COL21A1: variants seen among roughly 807,000 people sequenced by gnomAD.
COL21A1 encodes collagen alpha-1(XXI) chain.
A neutral mutation model predicts 137.9 loss-of-function variants in COL21A1; 149 were observed. That is an observed-to-expected ratio of 1.08 (90% CI 0.95 to 1.24). The LOEUF is 1.24. Ranked by LOEUF, COL21A1 falls within the 50% of genes most tolerant of loss-of-function variation. The pLI, the probability that COL21A1 is intolerant of heterozygous loss-of-function variation, is 0.00. For missense variants in COL21A1, 1,167 were observed against 1,158.4 expected, an observed-to-expected ratio of 1.01 and a Z score of -0.11; for synonymous variants, 456 against 391.5, an observed-to-expected ratio of 1.16 and a Z score of -1.95.
intron 1 of COL21A1, among the ~76,000 whole-genome samples, chr6:56,357,279 T>G (rs745392470): frequency 1.3e-5 from 2 of 152,196 alleles, no homozygotes; most frequent in Non-Finnish European, 2.9e-5. Flanking sequence ...ATTCAAAAAA[T>G]TATGTCTCCC....
chr6:56,096,768 T>C (rs924836621), intron 17 of COL21A1, among the ~76,000 whole-genome samples: 3 of 152,182 alleles, frequency 2.0e-5, no homozygotes, highest in Non-Finnish European at 2.9e-5. Context: ...TGTCCTTCCA[T>C]GTGAAACTCC....
intron 10 of COL21A1, among the ~76,000 whole-genome samples, chr6:56,147,758 T>C (rs944318402): frequency 7.2e-5 from 11 of 152,136 alleles, no homozygotes; most frequent in African/African-American, 2.4e-4. Flanking sequence ...ATAATCTACA[T>C]ACGACTTTCA....
intron 1 of COL21A1, among the ~76,000 whole-genome samples, chr6:56,392,949 T>A: frequency 6.6e-6 from 1 of 151,380 alleles, no homozygotes; most frequent in East Asian, 1.9e-4. Flanking sequence ...TTCAATGCAA[T>A]CTCTGTCAAA....
chr6:56,130,208 TATAA>T (rs1367672583), intron 12 of COL21A1, among the ~76,000 whole-genome samples: 13 of 30,374 alleles, frequency 4.3e-4, no homozygotes, highest in African/African-American at 1.2e-3. Flanking sequence ...TATATATATA[TATAA>T]AATTTCAAAT....
chr6:56,177,967 C>T (rs946295487), intron 3 of COL21A1, among the ~76,000 whole-genome samples: 11 of 151,932 alleles, frequency 7.2e-5, no homozygotes, highest in Admixed American at 5.2e-4. Context: ...GGCAAGATTT[C>T]AATTTTGATT....
At chr6:56,061,502 C>A in intron 25 of COL21A1, 147 bp downstream of exon 25, 1 of 517,748 alleles carries the variant, frequency 1.9e-6, no homozygotes, top group Non-Finnish European at 3.5e-6. Flanking sequence ...ATTCTGAAAA[C>A]AATTAATTGG....
At chr6:56,300,965 G>A (rs1403118706) in intron 1 of COL21A1, among the ~76,000 whole-genome samples, 7 of 151,980 alleles carry the variant, frequency 4.6e-5, no homozygotes, top group African/African-American at 1.7e-4. Context: ...GAGCATCTGT[G>A]GTATGAAAGC....
intron 1 of COL21A1, among the ~76,000 whole-genome samples, chr6:56,335,935 T>C (rs1265601576): frequency 5.9e-5 from 9 of 152,340 alleles, no homozygotes; most frequent in Admixed American, 5.9e-4. Flanking sequence ...GGGGACTCTC[T>C]GCTATTGACT....
chr6:56,202,532 A>T (rs1779480409), intron 1 of COL21A1, among the ~76,000 whole-genome samples: 1 of 152,134 alleles, frequency 6.6e-6, no homozygotes, highest in African/African-American at 2.4e-5. Flanking sequence ...TACTTCCAGC[A>T]TCTCTTCTAT....
intron 1 of COL21A1, among the ~76,000 whole-genome samples, chr6:56,217,749 G>A (rs1188399242): frequency 1.3e-5 from 2 of 152,032 alleles, no homozygotes; most frequent in Non-Finnish European, 2.9e-5. Context: ...TCAGTGCATG[G>A]CTTAAACATG....
At chr6:56,127,424 T>C (rs1228687842) in intron 12 of COL21A1, among the ~76,000 whole-genome samples, 1 of 152,208 alleles carries the variant, frequency 6.6e-6, no homozygotes, top group Non-Finnish European at 1.5e-5. Context: ...TTCATTTGCA[T>C]TGAAAATTTT....
At chr6:56,098,866 C>A (rs1485158909) in intron 17 of COL21A1, among the ~76,000 whole-genome samples, 19 of 148,550 alleles carry the variant, frequency 1.3e-4, no homozygotes, top group African/African-American at 2.0e-4. Context: ...CAGGCACGTG[C>A]CACCACGCCC....
chr6:56,121,508 ATG>A (rs201676932), intron 16 of COL21A1, among the ~76,000 whole-genome samples: 6,461 of 129,288 alleles, frequency 0.05, 229 homozygotes, highest in Middle Eastern at 0.11. Flanking sequence ...GTATATTCAT[ATG>A]TGTATATATA....
At chr6:56,315,551 C>T (rs781416609) in intron 1 of COL21A1, among the ~76,000 whole-genome samples, 1 of 151,016 alleles carries the variant, frequency 6.6e-6, no homozygotes, top group Non-Finnish European at 1.5e-5. Flanking sequence ...TCTTGAATCT[C>T]CCATTTCCAA....
chr6:56,065,544 G>A (rs1193598114), intron 23 of COL21A1, among the ~76,000 whole-genome samples: 1 of 151,998 alleles, frequency 6.6e-6, no homozygotes, highest in Admixed American at 6.6e-5. Flanking sequence ...TTGGAACTTA[G>A]GAAGGGGCAT....
chr6:56,192,222 C>T (rs528065966), intron 1 of COL21A1, among the ~76,000 whole-genome samples: 33 of 152,106 alleles, frequency 2.2e-4, no homozygotes, highest in Non-Finnish European at 3.8e-4. Flanking sequence ...AAGACTTAAA[C>T]ATAAGACCTT....
At chr6:56,069,246 G>A (rs1766527007) in intron 21 of COL21A1, 129 bp from the exon 22 acceptor site, 1 of 492,920 alleles carries the variant, frequency 2.0e-6, no homozygotes, top group Admixed American at 4.3e-5. Context: ...TACTACTACA[G>A]AAATAGTAAA....
chr6:56,075,666 CAGTA>C, intron 18 of COL21A1, 134 bp from the exon 19 acceptor site: 1 of 625,472 alleles, frequency 1.6e-6, no homozygotes, highest in Non-Finnish European at 2.7e-6. Flanking sequence ...TCTTCCACTA[CAGTA>C]AGGAAGGAGC....
chr6:56,069,250 T>C, intron 21 of COL21A1, 133 bp from the exon 22 acceptor site: 1 of 477,478 alleles, frequency 2.1e-6, no homozygotes, highest in Non-Finnish European at 3.7e-6. Flanking sequence ...ACTACAGAAA[T>C]AGTAAAGAAT....
Sources: gnomAD v4.1 joint callset for allele counts (sites outside exome capture counted in the v4.1 genomes callset) on GRCh38, gnomAD v4.1.1 for gene constraint, MANE v1.5 for transcripts, NCBI Gene and HGNC (gene_info 2026-07-23, HGNC 2026-07-21) for gene names.